Variants in CDKL1 observed in about 807,000 individuals in gnomAD.
CDKL1 encodes the protein cyclin-dependent kinase-like 1.
Under a neutral mutation model 42.0 loss-of-function variants are expected in CDKL1, and 41 were observed. The observed-to-expected ratio is 0.98, with a 90% CI of 0.76 to 1.27. The LOEUF is 1.27. CDKL1 is among the 50% of genes most tolerant of loss of function. The pLI is 0.00. For synonymous variants in CDKL1, 153 were observed against 158.6 expected (o/e 0.96, Z 0.26); for missense variants, 394 against 428.4 (o/e 0.92, Z 0.71).
In CDKL1 at chr14:50,378,717, T is replaced by G. The variant is rs1339446968; in HGVS notation, c.168+16984A>C. On this transcript the variant is annotated intron_variant, in intron 2 of 9. Coordinates refer to ENST00000395834, the MANE Select transcript of CDKL1 (RefSeq NM_004196.7). ...GCTGGATAATTAAAAAAATTTTTTT[T>G]GTGGAGACAGGGTCTTACCATCTTG... 2.0e-5 allele frequency among the ~76,000 whole-genome samples: 3 copies of G among 152,092 alleles called. No homozygotes were observed. The East Asian group carries it at 5.8e-4, about 29-fold the overall frequency.
rs1284985899 is a variant in CDKL1, at chr14:50,395,798, C to T, written c.71G>A (p.Arg24Lys). 1 of 1,613,156 alleles carries T rather than the reference C, an allele frequency of 6.2e-7. No individual in the cohort carries two copies. Among genetic ancestry groups the T allele is most frequent in the Non-Finnish European group, 8.5e-7 (1 of 1,179,202 alleles). ...SYGVVFKCRN[R>K]DTGQIVAIKK... Reference sequence around the variant, plus strand: ...GATGGCCACAATCTGACCCGTGTCCCTGTTTCTACATTTGAAAACAACTCC... The same window carrying T: ...GATGGCCACAATCTGACCCGTGTCCTTGTTTCTACATTTGAAAACAACTCC... The change falls in exon 2 of 10, where the codon AGG (arginine) becomes AAG (lysine). Residue 24 changes from arginine to lysine, a missense_variant. Physicochemically the swap from Arg to Lys is conservative, Grantham distance 26 (BLOSUM62 2). Transcript: ENST00000395834.
intron 3 of CDKL1, 54 bp from the exon 4 acceptor site, chr14:50,345,112 G>T: frequency 6.5e-7 from 1 of 1,534,678 alleles, no homozygotes. Flanking sequence ...ATGGAATTCA[G>T]CTCAAGAAAA....
intron 2 of CDKL1, among the ~76,000 whole-genome samples, chr14:50,385,070 CAAAAAAAAAAAAAA>C (rs55719234): frequency 4.1e-4 from 38 of 93,552 alleles, no homozygotes; most frequent in East Asian, 1.1e-3. Context: ...GACTCTGTCT[CAAAAAAAAAAAAAA>C]AAAAAAAAAA....
intron 2 of CDKL1, among the ~76,000 whole-genome samples, chr14:50,359,385 GAAAATA>G (rs1465728272): frequency 1.3e-5 from 2 of 151,864 alleles, no homozygotes; most frequent in African/African-American, 4.8e-5. Context: ...AAGAAGGCCA[GAAAATA>G]AAAAAGAATG....
At position 50,330,163 on chromosome 14, in the gene CDKL1, G is replaced by T; in HGVS notation, c.985C>A (p.Leu329Ile). The stretch of plus-strand genomic sequence containing the variant: ...GCTGGAAGGATGCTGCTGCCAGTTA[G>T]CTGGGGTAGGTACTGCAACTAAAAA... Reference protein sequence around the residue: ...ETSKLQYLPQLTGSSILPALD... With the variant: ...ETSKLQYLPQITGSSILPALD... Residue 329 changes from leucine to isoleucine, a missense_variant, in exon 10 of 10, where the codon CTA becomes ATA. Transcript: ENST00000395834. 1.2e-6 allele frequency: 2 copies of T among 1,606,898 alleles called. No homozygotes were observed. Among genetic ancestry groups the T allele is most frequent in the Non-Finnish European group, 1.7e-6 (2 of 1,178,580 alleles).
At chr14:50,342,273 G>C in intron 4 of CDKL1, 51 bp from the exon 5 acceptor site, 1 of 1,544,746 alleles carries the variant, frequency 6.5e-7, no homozygotes, top group Non-Finnish European at 8.9e-7. Context: ...ACTATATATG[G>C]GATAAATGAA....
chr14:50,392,805 C>T (rs558127901), intron 2 of CDKL1, among the ~76,000 whole-genome samples: 1 of 152,288 alleles, frequency 6.6e-6, no homozygotes, highest in African/African-American at 2.4e-5. Flanking sequence ...CAGAGCTCTT[C>T]ATCTCCTTTC....
chr14:50,336,766 A>G (rs2033298879), intron 7 of CDKL1, among the ~76,000 whole-genome samples: 1 of 152,198 alleles, frequency 6.6e-6, no homozygotes, highest in African/African-American at 2.4e-5. Flanking sequence ...ATTCAAAAAT[A>G]TAAAAAATCA....
intron 2 of CDKL1, among the ~76,000 whole-genome samples, chr14:50,388,780 T>G (rs1448153469): frequency 6.6e-6 from 1 of 152,114 alleles, no homozygotes; most frequent in African/African-American, 2.4e-5. Context: ...CCAAGGTCAC[T>G]CCACAGCTTC....
Position 50,328,342 on chromosome 14 carries a change from G to T in CDKL1, c.*1732C>A, listed in dbSNP as rs2032785748. 1 of 152,088 alleles carries T rather than the reference G, an allele frequency of 6.6e-6. No homozygotes were observed. The allele number at this position is 152,088 out of a possible 1,614,324, so 9.4% of individuals were successfully genotyped here. Reference sequence around the variant, plus strand: ...AGCATTTAACCCATATCAGGTCTAGGCAAGAAAAGACATACATTAGGAAGC... The same window carrying T: ...AGCATTTAACCCATATCAGGTCTAGTCAAGAAAAGACATACATTAGGAAGC... On this transcript the variant is annotated 3_prime_UTR_variant, in exon 10 of 10. Transcript: ENST00000395834.
At position 50,376,606 on chromosome 14, in the gene CDKL1, CTGAG is replaced by C. The variant is rs568719842; in HGVS notation, c.169-17461_169-17458del. On this transcript the variant is annotated intron_variant, in intron 2 of 9. Transcript: ENST00000395834. Reference sequence around the variant, plus strand: ...ATTGCTGAGTGAAGAAGGCAAGCTACTGAGTAATTTTATAAAAAATATATGAAAA... The same window carrying C: ...ATTGCTGAGTGAAGAAGGCAAGCTACTAATTTTATAAAAAATATATGAAAA... Among the ~76,000 whole-genome samples, 32 of 152,084 alleles carry C rather than the reference CTGAG, an allele frequency of 2.1e-4. No individual in the cohort carries two copies. The East Asian group carries it at 3.9e-3, about 18-fold the overall frequency.
In CDKL1 at chr14:50,341,253, G is replaced by A. The variant is rs767917325; in HGVS notation, c.455-21C>T. ...TCCAGCTAGCCAGTGATGGAACATG[G>A]AAAACAAACAGCAGCGGAAGGCTGG... On this transcript the variant is annotated intron_variant, in intron 5 of 9. Coordinates refer to ENST00000395834, the MANE Select transcript of CDKL1 (RefSeq NM_004196.7). The A allele has an allele frequency of 7.0e-6, 11 of 1,570,578 alleles. No homozygotes were observed. In the East Asian group the frequency reaches 1.8e-4, roughly 26 times the overall value.
upstream of CDKL1, chr14:50,396,945 C>T: frequency 2.2e-6 from 1 of 458,232 alleles, no homozygotes; most frequent in South Asian, 2.5e-5. Flanking sequence ...TCTGCCTGGG[C>T]GGGGCCGCCG....
intron 5 of CDKL1, 122 bp from the exon 6 acceptor site, chr14:50,341,354 A>C: frequency 2.2e-6 from 3 of 1,337,048 alleles, no homozygotes; most frequent in Non-Finnish European, 2.9e-6. Flanking sequence ...GCTGGTTCTC[A>C]ATTCTAGTTG....
At chr14:50,396,439 A>G (rs2035409301) in intron 1 of CDKL1, 110 bp from the exon 2 acceptor site, 2 of 985,428 alleles carry the variant, frequency 2.0e-6, no homozygotes, top group African/African-American at 3.5e-5. Context: ...ACCCGATTTT[A>G]ATCGCCCGTT....
At chr14:50,382,071 A>T (rs1411205678) in intron 2 of CDKL1, among the ~76,000 whole-genome samples, 1 of 152,232 alleles carries the variant, frequency 6.6e-6, no homozygotes, top group Non-Finnish European at 1.5e-5. Flanking sequence ...AGCAATAAAG[A>T]AAGTTAATAA....
intron 2 of CDKL1, chr14:50,378,484 T>A (rs1252608422): frequency 5.2e-6 from 7 of 1,333,386 alleles, no homozygotes; most frequent in Non-Finnish European, 7.0e-6. Flanking sequence ...TCGCATAACT[T>A]GGGACTTAAT....
At chr14:50,375,823 G>A (rs1249554391) in intron 2 of CDKL1, among the ~76,000 whole-genome samples, 1 of 152,056 alleles carries the variant, frequency 6.6e-6, no homozygotes, top group Non-Finnish European at 1.5e-5. Context: ...GGTAAGTCAT[G>A]TTGATAGTAT....
At chr14:50,370,279 G>A (rs2034555259) in intron 2 of CDKL1, among the ~76,000 whole-genome samples, 1 of 152,074 alleles carries the variant, frequency 6.6e-6, no homozygotes, top group Non-Finnish European at 1.5e-5. Flanking sequence ...ATGTTGGCCA[G>A]GTTGGCCTCA....
Sources: allele counts gnomAD v4.1 joint callset (sites outside exome capture counted in the v4.1 genomes callset), GRCh38; gene constraint gnomAD v4.1.1; transcripts MANE v1.5; gene names NCBI Gene and HGNC (gene_info 2026-07-23, HGNC 2026-07-21).